RPS6KA1: variants seen among roughly 807,000 people sequenced by gnomAD.
The protein encoded by RPS6KA1 is ribosomal protein S6 kinase A1.
Under a neutral mutation model 91.3 loss-of-function variants are expected in RPS6KA1, and 48 were observed. That is an observed-to-expected ratio of 0.53 (90% CI 0.42 to 0.67). RPS6KA1 has a LOEUF of 0.67. Among genes scored for constraint, RPS6KA1 ranks in the 30% least tolerant of loss-of-function variants. The pLI, the probability that RPS6KA1 is intolerant of heterozygous loss-of-function variation, is 0.00. For synonymous variants in RPS6KA1, 359 were observed against 384.7 expected, an observed-to-expected ratio of 0.93 and a Z score of 0.78; for missense variants, 719 against 960.5, an observed-to-expected ratio of 0.75 and a Z score of 3.32.
intron 2 of RPS6KA1, among the ~76,000 whole-genome samples, chr1:26,539,458 CA>C (rs1263786128): frequency 1.3e-5 from 2 of 152,134 alleles, no homozygotes; most frequent in African/African-American, 4.8e-5. Flanking sequence ...CAGAATCCTG[CA>C]CCTATTTTTT....
chr1:26,541,791 C>T (rs2075949979), intron 2 of RPS6KA1, among the ~76,000 whole-genome samples: 1 of 152,180 alleles, frequency 6.6e-6, no homozygotes, highest in Non-Finnish European at 1.5e-5. Context: ...ATGCTGCCAG[C>T]TGGGGAAGGG....
rs1236572442 is a variant in RPS6KA1, at chr1:26,555,530, G to T, written c.828-7G>T. On this transcript the variant is annotated splice_polypyrimidine_tract_variant and splice_region_variant and intron_variant, in intron 10 of 21. Transcript: ENST00000374168. The surrounding 1 kb of genome is among the most constrained non-coding windows in gnomAD (Gnocchi z 4.3). ...TCAGCCTTGATGAGTCCCGGGGGCT[G>T]TTTCAGGGCGAAGCTAGGCATGCCC... The T allele has an allele frequency of 1.9e-5, 30 of 1,581,538 alleles. No homozygotes were observed. In the East Asian group the frequency reaches 7.0e-4, roughly 37 times the overall value.
At chr1:26,557,133 C>G (rs749440131) in intron 13 of RPS6KA1, 33 bp downstream of exon 13, 353 of 1,569,564 alleles carry the variant, frequency 2.2e-4, no homozygotes, top group Middle Eastern at 1.5e-3. Context: ...CTGTCTTGGG[C>G]TGGTACAGGA....
At position 26,551,434 on chromosome 1, in the gene RPS6KA1, C is replaced by T. The variant is rs750662908; in HGVS notation, c.345C>T (p.Ile115=). The change falls in exon 5 of 22, where the codon ATC becomes ATT. Residue 115 remains isoleucine, a synonymous_variant. Coordinates refer to ENST00000374168, the MANE Select transcript of RPS6KA1 (RefSeq NM_002953.4). The surrounding 1 kb of genome is among the most constrained non-coding windows in gnomAD (Gnocchi z 4.5). ...TCCGGACCAAGATGGAGAGAGACATCCTGGCTGATGTAAATCACCCATTCG... is the reference window on the plus strand; with the variant it reads ...TCCGGACCAAGATGGAGAGAGACATTCTGGCTGATGTAAATCACCCATTCG... ...DRVRTKMERD[I]LADVNHPFVV... is the part of the protein sequence containing the mutation. 9 of 1,614,178 alleles carry T rather than the reference C, an allele frequency of 5.6e-6. No individual in the cohort carries two copies. In the South Asian group the frequency reaches 9.9e-5, roughly 18 times the overall value.
intron 2 of RPS6KA1, chr1:26,544,147 T>C (rs1355170156): frequency 2.2e-6 from 1 of 456,350 alleles, no homozygotes; most frequent in Admixed American, 2.3e-5. Context: ...CCTGCCCGTG[T>C]GTCTGCCAGG....
chr1:26,548,341 G>T (rs186065073), intron 4 of RPS6KA1, among the ~76,000 whole-genome samples: 3 of 152,164 alleles, frequency 2.0e-5, no homozygotes, highest in African/African-American at 7.2e-5. Context: ...AGCTGGGAGT[G>T]GTGGTGTAGT....
At position 26,536,939 on chromosome 1, in the gene RPS6KA1, AG is replaced by A. The variant is rs756950741; in HGVS notation, c.82del (p.Glu28LysfsTer66). 9 of 1,614,012 alleles carry A rather than the reference AG, an allele frequency of 5.6e-6. No individual in the cohort carries two copies. In the South Asian group the frequency reaches 9.9e-5, roughly 18 times the overall value. On this transcript the variant is annotated frameshift_variant, in exon 2 of 22. Coordinates refer to ENST00000374168, the MANE Select transcript of RPS6KA1 (RefSeq NM_002953.4). LOFTEE classifies it high-confidence loss of function. ...CTCTTTTCCAGAATGGACAGACCTC[AG>A]GGGAAGAAGCTGGACTTCAGCCGTC... is the stretch of plus-strand genomic sequence containing the variant. The part of the protein sequence containing the change: ...PLDPENGQTS[G>X]EEAGLQPSKD...
At chr1:26,536,190 G>A (rs918983735) in intron 1 of RPS6KA1, among the ~76,000 whole-genome samples, 1 of 151,302 alleles carries the variant, frequency 6.6e-6, no homozygotes, top group Non-Finnish European at 1.5e-5. Flanking sequence ...GGTGCCACAG[G>A]TGCGAGGCAC....
At chr1:26,557,777 T>C (rs61786461) in intron 13 of RPS6KA1, among the ~76,000 whole-genome samples, 105 of 56,814 alleles carry the variant, frequency 1.8e-3, no homozygotes, top group East Asian at 6.1e-3. Flanking sequence ...CCCTCCCCTC[T>C]CCTCCCCTCC....
At chr1:26,569,661 C>G (rs1331905622) in intron 17 of RPS6KA1, among the ~76,000 whole-genome samples, 2 of 152,222 alleles carry the variant, frequency 1.3e-5, no homozygotes, top group Non-Finnish European at 2.9e-5. Flanking sequence ...ACCTGCAAAA[C>G]TCTACTAATC....
rs552668456 is a variant in RPS6KA1, at chr1:26,556,614, G to T, written c.917-40G>T. ...GTGGGCAGGGTAATATCTGGGACTT[G>T]TGCCAGCCAGGGACAGACCCTTCAT... On this transcript the variant is annotated intron_variant, in intron 11 of 21. Transcript: ENST00000374168. 7 of 1,610,228 alleles carry T rather than the reference G, an allele frequency of 4.3e-6. No homozygotes were observed. In the Admixed American group the frequency reaches 8.3e-5, roughly 19 times the overall value.
rs2076266889 is a variant in RPS6KA1 at position 26,573,351 on chromosome 1, A to T, written c.2075A>T (p.Gln692Leu). The T allele has an allele frequency of 1.9e-6, 3 of 1,614,058 alleles. No homozygotes were observed. Among genetic ancestry groups the T allele is most frequent in the Admixed American group, 1.7e-5 (1 of 60,008 alleles). ...PQSQLSHQDL[Q>L]LVKGAMAATY... ...AGCCAGCTGTCCCACCAGGACCTAC[A>T]GCTTGTGAAGGTATGGCCACCCTTG... Residue 692 changes from glutamine to leucine, a missense_variant, in exon 21 of 22, where the codon CAG (glutamine) becomes CTG (leucine). Coordinates refer to ENST00000374168, the MANE Select transcript of RPS6KA1 (RefSeq NM_002953.4).
chr1:26,543,181 T>C (rs763565147), intron 2 of RPS6KA1: 2 of 1,535,658 alleles, frequency 1.3e-6, no homozygotes, highest in South Asian at 2.4e-5. Flanking sequence ...CCAGCAGATT[T>C]CCCCAGGGTT....
chr1:26,546,137 A>G, intron 2 of RPS6KA1: 2 of 1,380,722 alleles, frequency 1.4e-6, no homozygotes, highest in Non-Finnish European at 2.0e-6. Context: ...GTCCTGGCCC[A>G]GGCCTGGCCC....
chr1:26,561,063 C>A lies in RPS6KA1; in HGVS notation c.1360C>A (p.Arg454=), dbSNP rs753994848. ...YAVKVIDKSK[R]DPSEEIEILL... ...TCTTCAGGTCATTGATAAGAGCAAG[C>A]GGGATCCTTCAGAAGAGATTGAGAT... is the stretch of plus-strand genomic sequence containing the variant. Residue 454 remains arginine (R), a synonymous_variant, in exon 16 of 22, where the codon CGG becomes AGG. Coordinates refer to ENST00000374168, the MANE Select transcript of RPS6KA1 (RefSeq NM_002953.4). The surrounding 1 kb of genome is among the most constrained non-coding windows in gnomAD (Gnocchi z 5.7). The A allele has an allele frequency of 2.2e-5, 35 of 1,613,734 alleles. No individual in the cohort carries two copies. In the Admixed American group the frequency reaches 5.8e-4, roughly 27 times the overall value.
chr1:26,539,583 G>T (rs962452987), intron 2 of RPS6KA1, among the ~76,000 whole-genome samples: 4 of 152,228 alleles, frequency 2.6e-5, no homozygotes, highest in Non-Finnish European at 5.9e-5. Context: ...AAGAGAATGT[G>T]GTACATATAA....
At chr1:26,545,772 G>C (rs2075988991) in intron 2 of RPS6KA1, 1 of 1,322,544 alleles carries the variant, frequency 7.6e-7, no homozygotes, top group African/African-American at 1.5e-5. Context: ...CAGGCCCTGA[G>C]TGATTGGCTG....
Position 26,554,181 on chromosome 1 carries a change from T to G in RPS6KA1, c.576-33T>G. 6.4e-7 allele frequency: 1 copy of G among 1,550,600 alleles called. No homozygotes were observed. Among genetic ancestry groups the G allele is most frequent in the Non-Finnish European group, 8.7e-7 (1 of 1,146,372 alleles). ...ACACCATCACCCACACGGCCACAGC[T>G]GAGGGGCCCTGACCACTATTTCTCT... is the stretch of plus-strand genomic sequence containing the variant. On this transcript the variant is annotated intron_variant, in intron 7 of 21. Transcript: ENST00000374168. This position sits in a 1 kb window ranked among gnomAD's most constrained non-coding sequence, Gnocchi z 4.6.
chr1:26,560,585 C>T (rs1453498546), intron 14 of RPS6KA1, 141 bp from the exon 15 acceptor site: 10 of 1,018,810 alleles, frequency 9.8e-6, no homozygotes, highest in South Asian at 6.3e-5. Context: ...CTGTCACCTG[C>T]GGTCACATGG....
Sources: gnomAD v4.1 joint callset for allele counts (sites outside exome capture counted in the v4.1 genomes callset) on GRCh38, gnomAD v4.1.1 for gene constraint, Gnocchi (gnomAD v3.1) non-coding constraint, MANE v1.5 for transcripts, NCBI Gene and HGNC (gene_info 2026-07-23, HGNC 2026-07-21) for gene names.